The following FCER1A variants were observed in gnomAD, a reference collection of about 807,000 sequenced individuals.
FCER1A encodes the protein Fc epsilon receptor Ia.
Under a neutral mutation model 23.6 loss-of-function variants are expected in FCER1A, and 24 were observed. That is an observed-to-expected ratio of 1.02 (90% CI 0.74 to 1.43). The LOEUF is 1.43. Ranked by LOEUF, FCER1A falls within the 40% of genes most tolerant of loss-of-function variation. The probability of loss-of-function intolerance (pLI) is 0.00; values close to 1 mark genes in which losing one functional copy is unlikely to be tolerated. For missense variants in FCER1A, 318 were observed against 294.5 expected (o/e 1.08, Z -0.58); for synonymous variants, 121 against 108.8 (o/e 1.11, Z -0.70).
intron 1 of FCER1A, among the ~76,000 whole-genome samples, chr1:159,295,234 G>T (rs1652268279): frequency 6.6e-6 from 1 of 152,010 alleles, no homozygotes; most frequent in Non-Finnish European, 1.5e-5. Flanking sequence ...TTCTGTGTTT[G>T]GCAGCCTATT....
intron 4 of FCER1A, 116 bp from the exon 5 acceptor site, chr1:159,307,632 C>A (rs756661811): frequency 1.4e-6 from 1 of 726,060 alleles, no homozygotes; most frequent in Non-Finnish European, 2.3e-6. Context: ...TGCCACATCA[C>A]GCTAAAAATG....
intron 2 of FCER1A, among the ~76,000 whole-genome samples, chr1:159,303,487 T>C (rs1652499497): frequency 6.6e-6 from 1 of 152,188 alleles, no homozygotes; most frequent in East Asian, 1.9e-4. Context: ...GGAGAAACCT[T>C]ATATTTCATC....
chr1:159,287,376 G>A (rs1652042408), upstream of FCER1A, among the ~76,000 whole-genome samples: 1 of 152,108 alleles, frequency 6.6e-6, no homozygotes, highest in African/African-American at 2.4e-5. Context: ...AAGAGTATTA[G>A]AAGTCCATCT....
In FCER1A at chr1:159,305,687, G is replaced by A. The variant is rs187315550; in HGVS notation, c.332-301G>A. On this transcript the variant is annotated intron_variant, in intron 3 of 4. Transcript: ENST00000693622. ...ATTTTCCCCTAACTAACTAGAACTAGCAACAGAAGATCTGAAAGGAATTCT... is the reference window on the plus strand; with the variant it reads ...ATTTTCCCCTAACTAACTAGAACTAACAACAGAAGATCTGAAAGGAATTCT... Among the ~76,000 whole-genome samples the A allele has an allele frequency of 1.5e-3, 231 of 152,238 alleles. 3 individuals carry two copies. Among genetic ancestry groups the A allele is most frequent in the African/African-American group, 5.4e-3 (226 of 41,536 alleles).
At chr1:159,285,080 G>A (rs1651982842), upstream of FCER1A, among the ~76,000 whole-genome samples, 1 of 152,122 alleles carries the variant, frequency 6.6e-6, no homozygotes, top group Admixed American at 6.6e-5. Context: ...TGTTGTGTGT[G>A]TACGTGTGTG....
chr1:159,294,367 A>C (rs1378333686), intron 1 of FCER1A, among the ~76,000 whole-genome samples: 1 of 152,172 alleles, frequency 6.6e-6, no homozygotes, highest in Non-Finnish European at 1.5e-5. Context: ...GGGACTTTCA[A>C]CTTCCCACTG....
chr1:159,298,705 T>C (rs1315207416), upstream of FCER1A, among the ~76,000 whole-genome samples: 2 of 152,192 alleles, frequency 1.3e-5, no homozygotes, highest in Non-Finnish European at 2.9e-5. Context: ...CCTCTCTCCT[T>C]TCTTCTTTTT....
At chr1:159,293,004 C>A (rs943125445) in intron 1 of FCER1A, among the ~76,000 whole-genome samples, 1 of 151,676 alleles carries the variant, frequency 6.6e-6, no homozygotes, top group Non-Finnish European at 1.5e-5. Flanking sequence ...ACCAGATAGA[C>A]CCCTTGACCT....
chr1:159,298,784 A>C (rs928528969), upstream of FCER1A, among the ~76,000 whole-genome samples: 2 of 152,210 alleles, frequency 1.3e-5, no homozygotes, highest in African/African-American at 4.8e-5. Context: ...GTGAGTTGAG[A>C]TGTCATGGCC....
chr1:159,289,154 A>C (rs1652086432), upstream of FCER1A, among the ~76,000 whole-genome samples: 1 of 152,088 alleles, frequency 6.6e-6, no homozygotes, highest in Admixed American at 6.6e-5. Context: ...CCACTTTCAA[A>C]TCTATCACGA....
chr1:159,302,624 G>A lies in FCER1A; in HGVS notation c.55+205G>A, dbSNP rs370235095. Among the ~76,000 whole-genome samples the A allele has an allele frequency of 1.1e-4, 16 of 152,328 alleles. No homozygotes were observed. In the East Asian group the frequency reaches 2.7e-3, roughly 26 times the overall value. ...ACCTAAGGAGGAAGCCAGACTGAAA[G>A]CTTGGTTCCTTGCATTTGCTCTGGC... is the stretch of plus-strand genomic sequence containing the variant. On this transcript the variant is annotated intron_variant, in intron 1 of 4. Coordinates refer to ENST00000693622, the MANE Select transcript of FCER1A (RefSeq NM_001387280.1).
chr1:159,300,758 C>T (rs770733885), upstream of FCER1A, among the ~76,000 whole-genome samples: 1 of 152,104 alleles, frequency 6.6e-6, no homozygotes, highest in Non-Finnish European at 1.5e-5. Flanking sequence ...TTTCACATGT[C>T]AGATGCTGTG....
In FCER1A at chr1:159,304,193, G is replaced by A; in HGVS notation, c.331+11G>A. On this transcript the variant is annotated intron_variant, in intron 3 of 4. Coordinates refer to ENST00000693622, the MANE Select transcript of FCER1A (RefSeq NM_001387280.1). ...TGGAAGTCTTCAGTGGTAAGTTCCAGGGATATGGAAATACAGATCTCTCAT... is the reference window on the plus strand; with the variant it reads ...TGGAAGTCTTCAGTGGTAAGTTCCAAGGATATGGAAATACAGATCTCTCAT... The A allele has an allele frequency of 6.2e-7, 1 of 1,611,636 alleles. No individual in the cohort carries two copies. Among genetic ancestry groups the A allele is most frequent in the Non-Finnish European group, 8.5e-7 (1 of 1,178,170 alleles).
upstream of FCER1A, among the ~76,000 whole-genome samples, chr1:159,298,212 T>G (rs1557968162): frequency 6.6e-6 from 1 of 152,200 alleles, no homozygotes; most frequent in Non-Finnish European, 1.5e-5. Context: ...GATATCTAGA[T>G]GCCCACACCT....
chr1:159,286,716 T>C (rs1221864098), upstream of FCER1A, among the ~76,000 whole-genome samples: 1 of 152,228 alleles, frequency 6.6e-6, no homozygotes, highest in Non-Finnish European at 1.5e-5. Flanking sequence ...AATTATTTTA[T>C]ATAGAAGGTT....
intron 1 of FCER1A, among the ~76,000 whole-genome samples, chr1:159,293,808 A>C (rs1339211674): frequency 6.6e-6 from 1 of 151,964 alleles, no homozygotes; most frequent in East Asian, 1.9e-4. Flanking sequence ...GGACATTTGC[A>C]ACCTACTCAT....
upstream of FCER1A, among the ~76,000 whole-genome samples, chr1:159,297,810 T>A (rs1652331914): frequency 6.6e-6 from 1 of 151,940 alleles, no homozygotes; most frequent in Non-Finnish European, 1.5e-5. Flanking sequence ...GAGGATGAGG[T>A]GGGAGGGATC....
upstream of FCER1A, among the ~76,000 whole-genome samples, chr1:159,286,425 C>T (rs571968770): frequency 1.3e-5 from 2 of 151,754 alleles, no homozygotes; most frequent in South Asian, 2.1e-4. Flanking sequence ...CTCCGCCTCC[C>T]GGGTTCATGC....
intron 4 of FCER1A, 113 bp downstream of exon 4, chr1:159,306,358 C>A (rs1652615875): frequency 1.0e-6 from 1 of 995,268 alleles, no homozygotes; most frequent in Admixed American, 2.6e-5. Flanking sequence ...CACTGGAAAG[C>A]CTACCAGACT....
Sources: allele counts gnomAD v4.1 joint callset (sites outside exome capture counted in the v4.1 genomes callset), GRCh38; gene constraint gnomAD v4.1.1; transcripts MANE v1.5; gene names NCBI Gene and HGNC (gene_info 2026-07-23, HGNC 2026-07-21).